ENTREP2: variants seen among roughly 807,000 people sequenced by gnomAD.
ENTREP2 encodes protein ENTREP2.
the ENTREP2 span, among the ~76,000 whole-genome samples, chr15:29,571,638 A>T: frequency 7.9e-5 from 12 of 151,646 alleles, no homozygotes; most frequent in African/African-American, 2.4e-4. Flanking sequence ...TTTGGGCTTT[A>T]AAAAAAAATT....
chr15:29,451,945 C>T, the ENTREP2 span, among the ~76,000 whole-genome samples: 3 of 152,210 alleles, frequency 2.0e-5, no homozygotes, highest in East Asian at 1.9e-4. Flanking sequence ...AGCTACAGTT[C>T]GCTTTTCAGT....
the ENTREP2 span, among the ~76,000 whole-genome samples, chr15:29,558,870 T>C: frequency 4.0e-5 from 6 of 151,568 alleles, no homozygotes; most frequent in African/African-American, 1.5e-4. Context: ...ATTTTCTTAA[T>C]GATATTTTCT....
At chr15:29,179,586 T>A in the ENTREP2 span, among the ~76,000 whole-genome samples, 1 of 150,694 alleles carries the variant, frequency 6.6e-6, no homozygotes, top group Non-Finnish European at 1.5e-5. Context: ...AGTCGTCTTT[T>A]TTTTTTTTTT....
At chr15:29,124,595 G>T in the ENTREP2 span, 1 of 1,090,524 alleles carries the variant, frequency 9.2e-7, no homozygotes, top group East Asian at 2.6e-5. Flanking sequence ...GTGAGGAGCT[G>T]CATTTGGAAA....
the ENTREP2 span, among the ~76,000 whole-genome samples, chr15:29,256,781 T>A: frequency 1.8e-4 from 27 of 152,246 alleles, no homozygotes; most frequent in African/African-American, 6.3e-4. Flanking sequence ...TTCACATAAG[T>A]CTGGCATTTA....
At chr15:29,228,421 T>C in the ENTREP2 span, among the ~76,000 whole-genome samples, 1 of 152,178 alleles carries the variant, frequency 6.6e-6, no homozygotes, top group Non-Finnish European at 1.5e-5. Context: ...GAAAGTAGAA[T>C]ATTGGTTATC....
chr15:29,410,998 C>A, the ENTREP2 span, among the ~76,000 whole-genome samples: 71 of 152,270 alleles, frequency 4.7e-4, no homozygotes, highest in African/African-American at 1.7e-3. Flanking sequence ...GTTGGTCAGG[C>A]TGGTCTCGAA....
chr15:29,438,595 C>T, the ENTREP2 span, among the ~76,000 whole-genome samples: 1 of 151,996 alleles, frequency 6.6e-6, no homozygotes, highest in Admixed American at 6.6e-5. Flanking sequence ...TCCTTAAAGA[C>T]CATCCAACCC....
the ENTREP2 span, among the ~76,000 whole-genome samples, chr15:29,554,872 T>C: frequency 6.6e-6 from 1 of 152,160 alleles, no homozygotes; most frequent in Non-Finnish European, 1.5e-5. Context: ...GGCTAGGAAA[T>C]TACCCCATGA....
At chr15:29,177,604 G>A in the ENTREP2 span, among the ~76,000 whole-genome samples, 2 of 152,160 alleles carry the variant, frequency 1.3e-5, no homozygotes, top group Non-Finnish European at 1.5e-5. Context: ...CTGCACCCAC[G>A]AAACTCAGTC....
chr15:29,633,852 G>A, the ENTREP2 span, among the ~76,000 whole-genome samples: 1,058 of 152,202 alleles, frequency 7.0e-3, 12 homozygotes, highest in African/African-American at 0.025. Flanking sequence ...CCAGCTACTC[G>A]GGAGGCTGAG....
the ENTREP2 span, among the ~76,000 whole-genome samples, chr15:29,467,535 G>A: frequency 1.9e-4 from 29 of 152,166 alleles, no homozygotes; most frequent in African/African-American, 6.3e-4. Flanking sequence ...TGAGATGCAG[G>A]TTAAGAGGAT....
chr15:29,479,339 C>A, the ENTREP2 span, among the ~76,000 whole-genome samples: 1 of 152,244 alleles, frequency 6.6e-6, no homozygotes, highest in East Asian at 1.9e-4. Context: ...GAAGCAGATG[C>A]CGCTATGCTT....
chr15:29,389,337 T>C, the ENTREP2 span, among the ~76,000 whole-genome samples: 1 of 152,102 alleles, frequency 6.6e-6, no homozygotes, highest in African/African-American at 2.4e-5. Flanking sequence ...ACATCCGGAG[T>C]GGGACACTGG....
chr15:29,591,694 C>T, the ENTREP2 span, among the ~76,000 whole-genome samples: 78 of 152,038 alleles, frequency 5.1e-4, no homozygotes, highest in African/African-American at 1.8e-3. Flanking sequence ...AAAATACAGC[C>T]AGGCATGGTG....
chr15:29,550,459 C>T, the ENTREP2 span, among the ~76,000 whole-genome samples: 3 of 152,266 alleles, frequency 2.0e-5, no homozygotes, highest in East Asian at 5.8e-4. Context: ...AGGAAAGGAT[C>T]TTCTCCATTA....
At chr15:29,159,759 G>A in the ENTREP2 span, among the ~76,000 whole-genome samples, 1 of 152,204 alleles carries the variant, frequency 6.6e-6, no homozygotes, top group Non-Finnish European at 1.5e-5. Flanking sequence ...TGATTGGTGT[G>A]TTTACAAACC....
At chr15:29,295,305 G>C in the ENTREP2 span, among the ~76,000 whole-genome samples, 4 of 152,192 alleles carry the variant, frequency 2.6e-5, no homozygotes, top group Non-Finnish European at 5.9e-5. Context: ...ATGGCCTCAG[G>C]GAGGGCCAGG....
chr15:29,331,850 G>A, the ENTREP2 span, among the ~76,000 whole-genome samples: 1 of 152,184 alleles, frequency 6.6e-6, no homozygotes, highest in Non-Finnish European at 1.5e-5. Flanking sequence ...CAAGAATCTG[G>A]TTTCCACACC....
Sources: allele counts gnomAD v4.1 joint callset (sites outside exome capture counted in the v4.1 genomes callset), GRCh38; gene constraint gnomAD v4.1.1; transcripts MANE v1.5; gene names NCBI Gene and HGNC (gene_info 2026-07-23, HGNC 2026-07-21).